The following KIAA1328 variants were observed in gnomAD, a reference collection of about 807,000 sequenced individuals.
The protein encoded by KIAA1328 is protein hinderin.
A neutral mutation model predicts 68.1 loss-of-function variants in KIAA1328; 52 were observed. The observed-to-expected ratio is 0.76, with a 90% CI of 0.61 to 0.96. The LOEUF (loss-of-function observed/expected upper bound fraction) is 0.96. Among genes scored for constraint, KIAA1328 ranks in the 40% least tolerant of loss-of-function variants. The pLI is 0.00. For synonymous variants in KIAA1328, 232 were observed against 239.4 expected (o/e 0.97, Z 0.28); for missense variants, 641 against 677.6 (o/e 0.95, Z 0.60).
intron 7 of KIAA1328, among the ~76,000 whole-genome samples, chr18:37,121,566 A>G (rs1162517428): frequency 6.6e-6 from 1 of 151,832 alleles, no homozygotes; most frequent in African/African-American, 2.4e-5. Flanking sequence ...TATCACAAAC[A>G]TAGATTTGAG....
chr18:37,148,156 G>T (rs2058946933), intron 7 of KIAA1328, among the ~76,000 whole-genome samples: 1 of 151,972 alleles, frequency 6.6e-6, no homozygotes, highest in South Asian at 2.1e-4. Context: ...AGGCCCCACG[G>T]TGTGTTGTTT....
At chr18:36,938,818 C>T (rs1374010577) in intron 5 of KIAA1328, among the ~76,000 whole-genome samples, 1 of 152,148 alleles carries the variant, frequency 6.6e-6, no homozygotes, top group Non-Finnish European at 1.5e-5. Context: ...CCAGTATTCC[C>T]AATACCATTT....
intron 7 of KIAA1328, among the ~76,000 whole-genome samples, chr18:37,097,335 T>A (rs984766876): frequency 1.3e-5 from 2 of 152,262 alleles, no homozygotes; most frequent in Middle Eastern, 3.2e-3. Flanking sequence ...TAGGGATTCC[T>A]TTCTCCATTT....
At chr18:36,878,605 T>C (rs1235477990) in intron 4 of KIAA1328, among the ~76,000 whole-genome samples, 1 of 152,228 alleles carries the variant, frequency 6.6e-6, no homozygotes, top group Non-Finnish European at 1.5e-5. Flanking sequence ...TCCTAAAGTA[T>C]GTTTTCCAAC....
intron 5 of KIAA1328, among the ~76,000 whole-genome samples, chr18:36,911,277 G>T (rs1337367504): frequency 6.6e-6 from 1 of 152,038 alleles, no homozygotes; most frequent in African/African-American, 2.4e-5. Flanking sequence ...TAAGGTCTTG[G>T]CATTTTTAGC....
chr18:36,884,581 G>T (rs115556527), intron 4 of KIAA1328, among the ~76,000 whole-genome samples: 1 of 152,138 alleles, frequency 6.6e-6, no homozygotes, highest in Non-Finnish European at 1.5e-5. Flanking sequence ...TTCATGTTAC[G>T]CAGAAATTGC....
At chr18:37,083,619 C>G (rs1343213394) in intron 7 of KIAA1328, among the ~76,000 whole-genome samples, 1 of 152,130 alleles carries the variant, frequency 6.6e-6, no homozygotes, top group Non-Finnish European at 1.5e-5. Context: ...CAGTGTCTTC[C>G]AGTTCTTTTG....
At chr18:37,125,035 A>T (rs552284719) in intron 7 of KIAA1328, among the ~76,000 whole-genome samples, 1 of 152,340 alleles carries the variant, frequency 6.6e-6, no homozygotes, top group East Asian at 1.9e-4. Flanking sequence ...CAGAACATAT[A>T]AAAACTTGTG....
rs2154226760 is a variant in KIAA1328, at chr18:37,223,718, T to C, written c.*1491T>C. 3 of 985,384 alleles carry C rather than the reference T, an allele frequency of 3.0e-6. No individual in the cohort carries two copies. In the South Asian group the frequency reaches 1.4e-4, roughly 46 times the overall value. 61.0% of individuals were successfully genotyped at this position (985,384 alleles called of 1,614,324 possible). A position where few individuals can be genotyped will look rare whatever the true frequency, so the allele number is the denominator to read the frequency against. ...TTTAATTAAAACTAGATTATTTCAA[T>C]CTAGAAAAGCCTTGTTGAGCAGCCT... On this transcript the variant is annotated 3_prime_UTR_variant, in exon 10 of 10. Transcript: ENST00000280020.
At chr18:37,220,121 G>T (rs866652535) in intron 9 of KIAA1328, among the ~76,000 whole-genome samples, 1 of 152,186 alleles carries the variant, frequency 6.6e-6, no homozygotes, top group East Asian at 1.9e-4. Flanking sequence ...TTATATAGAG[G>T]TGATTATTCT....
chr18:36,888,423 T>C (rs1364772608), intron 5 of KIAA1328, among the ~76,000 whole-genome samples: 1 of 152,248 alleles, frequency 6.6e-6, no homozygotes, highest in Non-Finnish European at 1.5e-5. Flanking sequence ...CAAAGACTTT[T>C]AGTCATGTGG....
intron 5 of KIAA1328, among the ~76,000 whole-genome samples, chr18:36,925,482 G>A (rs1225512583): frequency 6.6e-6 from 1 of 151,926 alleles, no homozygotes; most frequent in Non-Finnish European, 1.5e-5. Context: ...AGTATAAACA[G>A]ATCATTGTTG....
chr18:37,003,697 T>A (rs11877220), intron 6 of KIAA1328, among the ~76,000 whole-genome samples: 1 of 152,150 alleles, frequency 6.6e-6, no homozygotes, highest in African/African-American at 2.4e-5. Context: ...CGATGTTATC[T>A]TCTAGAATTT....
intron 5 of KIAA1328, among the ~76,000 whole-genome samples, chr18:36,953,978 A>G (rs11081975): frequency 0.73 from 106,058 of 145,752 alleles, 41,714 homozygotes; most frequent in South Asian, 0.88. Context: ...CCATATATTG[A>G]ATTTGTCTGA....
At chr18:36,878,344 G>A (rs569908865) in intron 4 of KIAA1328, among the ~76,000 whole-genome samples, 2 of 151,602 alleles carry the variant, frequency 1.3e-5, no homozygotes, top group African/African-American at 4.8e-5. Context: ...GTTGAATATT[G>A]GCCTCCTCTG....
intron 7 of KIAA1328, among the ~76,000 whole-genome samples, chr18:37,095,448 G>T (rs560122374): frequency 6.6e-6 from 1 of 152,060 alleles, no homozygotes; most frequent in Non-Finnish European, 1.5e-5. Flanking sequence ...ATGTACATAT[G>T]TACAGAAATT....
At chr18:37,052,331 A>G (rs575078554) in intron 6 of KIAA1328, among the ~76,000 whole-genome samples, 1 of 152,298 alleles carries the variant, frequency 6.6e-6, no homozygotes, top group East Asian at 1.9e-4. Context: ...TAGGTGTTAA[A>G]GAATATACCT....
At chr18:37,043,210 G>A (rs576772813) in intron 6 of KIAA1328, among the ~76,000 whole-genome samples, 44 of 152,174 alleles carry the variant, frequency 2.9e-4, no homozygotes, top group African/African-American at 1.0e-3. Context: ...CTGCTTTGAA[G>A]TTTTTCTTTA....
At chr18:36,907,987 T>C (rs2049284534) in intron 5 of KIAA1328, among the ~76,000 whole-genome samples, 2 of 152,304 alleles carry the variant, frequency 1.3e-5, no homozygotes, top group South Asian at 4.1e-4. Context: ...ACCCAATTTT[T>C]CTTGAGTAAG....
Sources: allele counts gnomAD v4.1 joint callset (sites outside exome capture counted in the v4.1 genomes callset), GRCh38; gene constraint gnomAD v4.1.1; transcripts MANE v1.5; gene names NCBI Gene and HGNC (gene_info 2026-07-23, HGNC 2026-07-21).